PLEKHS1: variants seen among roughly 807,000 people sequenced by gnomAD.
PLEKHS1 encodes pleckstrin homology domain-containing family S member 1.
Under a neutral mutation model 51.0 loss-of-function variants are expected in PLEKHS1, and 55 were observed. That is an observed-to-expected ratio of 1.08 (90% CI 0.87 to 1.35). The LOEUF is 1.35. PLEKHS1 is among the 40% of genes most tolerant of loss of function. The pLI, the probability that PLEKHS1 is intolerant of heterozygous loss-of-function variation, is 0.00. For synonymous variants in PLEKHS1, 153 were observed against 144.8 expected, an observed-to-expected ratio of 1.06 and a Z score of -0.41; for missense variants, 398 against 423.0, an observed-to-expected ratio of 0.94 and a Z score of 0.52.
chr10:113,769,886 G>T, exon 7 of PLEKHS1: 1 of 1,612,934 alleles, frequency 6.2e-7, no homozygotes, highest in Non-Finnish European at 8.5e-7. Context: ...ACCAAGAAAT[G>T]GTCTCCAAGA....
chr10:113,769,771 T>A lies in PLEKHS1; in HGVS notation c.436-13T>A, dbSNP rs746782986. 2.5e-5 allele frequency: 40 copies of A among 1,575,366 alleles called. No homozygotes were observed. In the East Asian group the frequency reaches 6.0e-4, roughly 24 times the overall value. The stretch of plus-strand genomic sequence containing the variant: ...TCAACTGTGCCCTGACTGATTCCTT[T>A]TTTTGTGAGCAGGAGGAACTCTCAT... On this transcript the variant is annotated splice_polypyrimidine_tract_variant and intron_variant, in intron 6 of 11. Transcript: ENST00000361048.
At chr10:113,756,939 C>T (rs1231857131) in intron 2 of PLEKHS1, among the ~76,000 whole-genome samples, 4 of 111,136 alleles carry the variant, frequency 3.6e-5, no homozygotes, top group East Asian at 5.2e-4. Context: ...TTTTTTGAGA[C>T]GGAGTCTCAC....
intron 2 of PLEKHS1, chr10:113,764,929 C>CATCTTTAAAAG (rs1277608774): frequency 6.5e-6 from 1 of 153,310 alleles, no homozygotes; most frequent in Non-Finnish European, 1.5e-5. Context: ...TTTAAAATTT[C>CATCTTTAAAAG]ACTTTAGGTC....
intron 2 of PLEKHS1, chr10:113,764,686 C>A (rs1266757159): frequency 6.6e-6 from 1 of 152,120 alleles, no homozygotes; most frequent in South Asian, 2.1e-4. Context: ...TTTTTTATTT[C>A]TCCCTCTCTC....
exon 4 of PLEKHS1, chr10:113,766,663 T>A (rs1289263600): frequency 6.2e-7 from 1 of 1,613,080 alleles, no homozygotes; most frequent in Admixed American, 1.7e-5. Context: ...GGAAAAGAGC[T>A]TTAGTCTTTC....
chr10:113,754,436 C>T (rs1854001759), intron 1 of PLEKHS1, among the ~76,000 whole-genome samples: 1 of 152,168 alleles, frequency 6.6e-6, no homozygotes, highest in African/African-American at 2.4e-5. Flanking sequence ...CATAGGATCG[C>T]CAGCAGCTGG....
At chr10:113,760,231 A>C (rs568839358) in intron 2 of PLEKHS1, among the ~76,000 whole-genome samples, 16 of 152,300 alleles carry the variant, frequency 1.1e-4, no homozygotes, top group African/African-American at 3.8e-4. Context: ...CATTGTATAG[A>C]TGTATCACAA....
intron 11 of PLEKHS1, chr10:113,777,589 T>C (rs1158492472): frequency 6.5e-7 from 1 of 1,550,086 alleles, no homozygotes; most frequent in African/African-American, 1.4e-5. Context: ...TCAGTTTTCT[T>C]TTCTGTAAAA....
intron 2 of PLEKHS1, among the ~76,000 whole-genome samples, chr10:113,759,767 A>G (rs574535426): frequency 8.5e-5 from 13 of 152,296 alleles, no homozygotes; most frequent in African/African-American, 3.1e-4. Context: ...GTAAAATCAT[A>G]TATTTCTTTA....
intron 11 of PLEKHS1, among the ~76,000 whole-genome samples, chr10:113,779,025 T>C (rs759418107): frequency 6.6e-6 from 1 of 152,264 alleles, no homozygotes; most frequent in East Asian, 1.9e-4. Flanking sequence ...AGCTCACAGA[T>C]TAGTGGATGA....
intron 6 of PLEKHS1, 39 bp from the exon 7 acceptor site, chr10:113,769,745 A>ATC: frequency 7.6e-7 from 1 of 1,320,470 alleles, no homozygotes. Flanking sequence ...CCAGACAGAG[A>ATC]TCAACTGTGC....
At chr10:113,776,211 A>G (rs1353835745) in intron 11 of PLEKHS1, among the ~76,000 whole-genome samples, 1 of 152,208 alleles carries the variant, frequency 6.6e-6, no homozygotes, top group East Asian at 1.9e-4. Context: ...AATGAGTGAA[A>G]TTAGTGAAGT....
intron 2 of PLEKHS1, among the ~76,000 whole-genome samples, chr10:113,765,950 A>G (rs1316563289): frequency 6.6e-6 from 1 of 152,196 alleles, no homozygotes; most frequent in African/African-American, 2.4e-5. Flanking sequence ...AATTCTGGGG[A>G]GGTGGCTGTG....
At chr10:113,777,298 T>C in intron 11 of PLEKHS1, 39 bp downstream of exon 12, 1 of 1,609,596 alleles carries the variant, frequency 6.2e-7, no homozygotes, top group South Asian at 1.1e-5. Context: ...GGCAAATCAG[T>C]ACCAGAAGGA....
rs544938725 is a variant in PLEKHS1 at position 113,768,979 on chromosome 10, A to C, written c.435+89A>C. The C allele has an allele frequency of 4.6e-5, 41 of 898,854 alleles. No individual in the cohort carries two copies. In the South Asian group the frequency reaches 6.7e-4, roughly 15 times the overall value. The allele number at this position is 898,854 out of a possible 1,614,324, so 55.7% of individuals were successfully genotyped here. On this transcript the variant is annotated intron_variant, in intron 6 of 11. Transcript: ENST00000361048. ...AATGGTAGCTTTCCTTTGCCTCCTT[A>C]GTAACTGGCTTTAATACAAGGAATA...
chr10:113,770,189 T>C (rs1215281264), intron 7 of PLEKHS1, among the ~76,000 whole-genome samples: 1 of 152,216 alleles, frequency 6.6e-6, no homozygotes, highest in Non-Finnish European at 1.5e-5. Context: ...GGCAACTTGC[T>C]TCCTTTCTTT....
At position 113,771,955 on chromosome 10, in the gene PLEKHS1, A is replaced by G. The variant is rs376212587; in HGVS notation, c.553-15A>G. 3.3e-5 allele frequency: 53 copies of G among 1,594,390 alleles called. No homozygotes were observed. Among genetic ancestry groups the G allele is most frequent in the African/African-American group, 2.3e-4 (17 of 73,574 alleles). On this transcript the variant is annotated splice_polypyrimidine_tract_variant and intron_variant, in intron 7 of 11. Transcript: ENST00000361048. ...TGCAAAGAAAAAGCAAAGCATTTTT[A>G]TCTCTTTTCTTCAGCATTTAATGGA...
exon 12 of PLEKHS1, chr10:113,781,738 ACC>A (rs1844876655): frequency 1.2e-5 from 1 of 81,910 alleles, no homozygotes; most frequent in Non-Finnish European, 2.5e-5. Context: ...CTTCCCCAAC[ACC>A]TCCTTCCCCA....
chr10:113,753,016 T>C (rs1218654007), intron 1 of PLEKHS1, among the ~76,000 whole-genome samples: 1 of 152,196 alleles, frequency 6.6e-6, no homozygotes, highest in Non-Finnish European at 1.5e-5. Flanking sequence ...AAAAAAATAA[T>C]GTATGCAAAT....
Sources: allele counts gnomAD v4.1 joint callset (sites outside exome capture counted in the v4.1 genomes callset), GRCh38; gene constraint gnomAD v4.1.1; transcripts MANE v1.5; gene names NCBI Gene and HGNC (gene_info 2026-07-23, HGNC 2026-07-21).